ANKS1B: variants seen among roughly 807,000 people sequenced by gnomAD.
ANKS1B encodes the protein ankyrin repeat and sterile alpha motif domain containing 1B.
Under a neutral mutation model 148.3 loss-of-function variants are expected in ANKS1B, and 36 were observed. The ratio of observed to expected loss-of-function variants is 0.24; its 90% confidence interval spans 0.19 to 0.32. ANKS1B has a LOEUF of 0.32. Among genes scored for constraint, ANKS1B ranks in the 10% least tolerant of loss-of-function variants. ANKS1B has a pLI of 1.00. For missense variants in ANKS1B, 1,157 were observed against 1,542.6 expected (o/e 0.75, Z 4.19); for synonymous variants, 542 against 560.8 (o/e 0.97, Z 0.47).
chr12:99,607,082 G>T (rs1336520844), intron 9 of ANKS1B, among the ~76,000 whole-genome samples: 4 of 152,092 alleles, frequency 2.6e-5, no homozygotes, highest in African/African-American at 9.7e-5. Flanking sequence ...TCCCAGGATG[G>T]CCAAGAAGCA....
intron 8 of ANKS1B, among the ~76,000 whole-genome samples, chr12:99,750,828 C>T (rs2061038394): frequency 6.6e-6 from 1 of 152,002 alleles, no homozygotes; most frequent in Non-Finnish European, 1.5e-5. Context: ...AGGAGAGCCA[C>T]CTGCTGATCC....
At chr12:99,308,436 G>C (rs1407009149) in intron 12 of ANKS1B, among the ~76,000 whole-genome samples, 2 of 151,902 alleles carry the variant, frequency 1.3e-5, no homozygotes, top group African/African-American at 2.4e-5. Context: ...ACAAATGTTT[G>C]TCCTTCAATT....
chr12:99,504,981 C>T (rs1045963874), intron 9 of ANKS1B, among the ~76,000 whole-genome samples: 6 of 151,988 alleles, frequency 3.9e-5, no homozygotes, highest in Non-Finnish European at 7.4e-5. Flanking sequence ...CCTGGAGACA[C>T]CCATATAACT....
intron 17 of ANKS1B, among the ~76,000 whole-genome samples, chr12:99,039,006 T>C (rs1311678523): frequency 2.6e-5 from 4 of 152,238 alleles, no homozygotes; most frequent in Admixed American, 6.5e-5. Flanking sequence ...GTAAGTTCCA[T>C]AAGAGCAGGA....
At chr12:98,937,302 C>T (rs1567884900) in intron 17 of ANKS1B, among the ~76,000 whole-genome samples, 3 of 151,182 alleles carry the variant, frequency 2.0e-5, no homozygotes, top group South Asian at 4.2e-4. Flanking sequence ...GAGATATGTG[C>T]TTTTTTTTTA....
At chr12:99,289,630 T>C (rs1180653428) in intron 12 of ANKS1B, among the ~76,000 whole-genome samples, 3 of 151,924 alleles carry the variant, frequency 2.0e-5, no homozygotes, top group African/African-American at 4.8e-5. Flanking sequence ...TTAGAAACTA[T>C]ACAAACACAT....
intron 9 of ANKS1B, among the ~76,000 whole-genome samples, chr12:99,574,698 T>C (rs2097498672): frequency 6.6e-6 from 1 of 151,898 alleles, no homozygotes; most frequent in Non-Finnish European, 1.5e-5. Flanking sequence ...TTCATAGATG[T>C]GGAAAAGGCA....
chr12:98,980,872 A>G (rs919144773), intron 17 of ANKS1B, among the ~76,000 whole-genome samples: 3 of 152,180 alleles, frequency 2.0e-5, no homozygotes, highest in Non-Finnish European at 4.4e-5. Flanking sequence ...CTTATGGACC[A>G]TAAATTGCCT....
intron 9 of ANKS1B, among the ~76,000 whole-genome samples, chr12:99,632,767 A>ATATATATTTTTTTTTTTT (rs1441486862): frequency 1.4e-5 from 1 of 71,336 alleles, no homozygotes; most frequent in African/African-American, 4.8e-5. Flanking sequence ...ATATATATAT[A>ATATATATTTTTTTTTTTT]TTTTAATTAT....
intron 14 of ANKS1B, among the ~76,000 whole-genome samples, chr12:99,165,998 C>T (rs943704854): frequency 2.0e-5 from 3 of 151,766 alleles, no homozygotes; most frequent in Non-Finnish European, 4.4e-5. Context: ...TAATGTGATT[C>T]ATCAGATTAA....
chr12:99,122,737 G>A (rs1008079367), intron 15 of ANKS1B, among the ~76,000 whole-genome samples: 2 of 152,042 alleles, frequency 1.3e-5, no homozygotes, highest in Non-Finnish European at 2.9e-5. Context: ...AGCAGCCTTG[G>A]CACTCTGCAT....
chr12:99,943,780 G>C (rs971091198), intron 1 of ANKS1B, among the ~76,000 whole-genome samples: 3 of 151,910 alleles, frequency 2.0e-5, no homozygotes, highest in Non-Finnish European at 4.4e-5. Context: ...CACTGTTCAT[G>C]GTTCTAAGCT....
chr12:99,267,302 C>T (rs961979622), intron 12 of ANKS1B, among the ~76,000 whole-genome samples: 1 of 152,176 alleles, frequency 6.6e-6, no homozygotes, highest in African/African-American at 2.4e-5. Flanking sequence ...TGAAGCCTGA[C>T]TCACAACACA....
At chr12:99,429,274 C>T (rs1048620935) in intron 11 of ANKS1B, among the ~76,000 whole-genome samples, 4 of 152,198 alleles carry the variant, frequency 2.6e-5, no homozygotes, top group Admixed American at 6.5e-5. Context: ...AAATCAAAAT[C>T]ATGCACCAGC....
chr12:98,915,822 C>A (rs2099793584), intron 17 of ANKS1B, among the ~76,000 whole-genome samples: 1 of 152,188 alleles, frequency 6.6e-6, no homozygotes, highest in African/African-American at 2.4e-5. Flanking sequence ...GATTAACTTG[C>A]CAGAAACACA....
In ANKS1B at chr12:98,899,205, G is replaced by A. The variant is rs193139781; in HGVS notation, c.2779-67069C>T. ...CAAGTCATGGGTATTTAACTTAATTGTTTTGTGATCTTGAGTAAGTTACTT... is the reference window on the plus strand; with the variant it reads ...CAAGTCATGGGTATTTAACTTAATTATTTTGTGATCTTGAGTAAGTTACTT... On this transcript the variant is annotated intron_variant, in intron 17 of 26. Transcript: ENST00000683438. 2.2e-4 allele frequency among the ~76,000 whole-genome samples: 33 copies of A among 152,244 alleles called. No homozygotes were observed. The East Asian group carries it at 4.8e-3, about 22-fold the overall frequency.
At chr12:99,521,122 T>G (rs1489465496) in intron 9 of ANKS1B, among the ~76,000 whole-genome samples, 2 of 152,162 alleles carry the variant, frequency 1.3e-5, no homozygotes. Context: ...ACAGCCTGTC[T>G]TGAAGCTCAC....
intron 9 of ANKS1B, among the ~76,000 whole-genome samples, chr12:99,528,334 A>G (rs1430017857): frequency 6.6e-6 from 1 of 151,932 alleles, no homozygotes; most frequent in African/African-American, 2.4e-5. Context: ...CCTGATGAAG[A>G]TGCCAAAAAC....
intron 9 of ANKS1B, among the ~76,000 whole-genome samples, chr12:99,530,032 T>C (rs1282770804): frequency 6.6e-6 from 1 of 152,172 alleles, no homozygotes. Context: ...CATTTAGGCT[T>C]TGCAGGCCAC....
Sources: allele counts gnomAD v4.1 joint callset (sites outside exome capture counted in the v4.1 genomes callset), GRCh38; gene constraint gnomAD v4.1.1; transcripts MANE v1.5; gene names NCBI Gene and HGNC (gene_info 2026-07-23, HGNC 2026-07-21).